Variants in GRIK2 observed in about 807,000 individuals in gnomAD.
The protein encoded by GRIK2 is glutamate receptor ionotropic, kainate 2.
GRIK2 carries 32 observed loss-of-function variants against 100.3 expected under a neutral mutation model. That is an observed-to-expected ratio of 0.32 (90% confidence interval 0.24 to 0.43). GRIK2 has a LOEUF of 0.43. Among genes scored for constraint, GRIK2 ranks in the 20% least tolerant of loss-of-function variants. The pLI is 1.00. For missense variants in GRIK2, 843 were observed against 1,114.9 expected, an observed-to-expected ratio of 0.76 and a Z score of 3.47; for synonymous variants, 417 against 389.4, an observed-to-expected ratio of 1.07 and a Z score of -0.83.
intron 2 of GRIK2, among the ~76,000 whole-genome samples, chr6:101,586,718 T>TA (rs68016883): frequency 0.26 from 38,146 of 145,706 alleles, 5,024 homozygotes; most frequent in Middle Eastern, 0.34. Flanking sequence ...AAAATAAAAT[T>TA]AAAAAAAAAA....
Position 101,806,747 on chromosome 6 carries a change from C to G in GRIK2, c.1203+4309C>G, listed in dbSNP as rs151278195. Among the ~76,000 whole-genome samples the G allele has an allele frequency of 3.3e-4, 50 of 151,636 alleles. No homozygotes were observed. The East Asian group carries it at 8.3e-3, about 25-fold the overall frequency. ...TCCCAGTTCCTTTGCCTGGGGAACT[C>G]TTACTCATCCTGGTAGTATCATCTT... On this transcript the variant is annotated intron_variant, in intron 9 of 16. Coordinates refer to ENST00000369134, the MANE Select transcript of GRIK2 (RefSeq NM_021956.5).
At chr6:101,613,762 G>GA (rs77889004) in intron 2 of GRIK2, among the ~76,000 whole-genome samples, 1,651 of 107,004 alleles carry the variant, frequency 0.015, 21 homozygotes, top group East Asian at 0.079. Flanking sequence ...GCTGTGTTCA[G>GA]AAAAAAAAAA....
intron 2 of GRIK2, among the ~76,000 whole-genome samples, chr6:101,501,708 T>A (rs1773752253): frequency 6.6e-6 from 1 of 152,196 alleles, no homozygotes. Context: ...CTGGCTCTAA[T>A]GCTGATTAGC....
At chr6:102,003,726 A>T (rs184412636) in intron 14 of GRIK2, among the ~76,000 whole-genome samples, 360 of 151,888 alleles carry the variant, frequency 2.4e-3, no homozygotes, top group Non-Finnish European at 3.9e-3. Context: ...CAACAATATT[A>T]TTCCTTTGAC....
chr6:101,824,901 T>C (rs996291213), intron 10 of GRIK2, among the ~76,000 whole-genome samples: 5 of 152,106 alleles, frequency 3.3e-5, no homozygotes, highest in Non-Finnish European at 7.4e-5. Context: ...AAGTACACAG[T>C]ACAAAAGAGA....
At chr6:101,861,665 T>C (rs1784741115) in intron 11 of GRIK2, among the ~76,000 whole-genome samples, 1 of 152,160 alleles carries the variant, frequency 6.6e-6, no homozygotes, top group African/African-American at 2.4e-5. Flanking sequence ...TTACTCTTAA[T>C]ATTAAAACAA....
chr6:101,551,891 T>C (rs763024638), intron 2 of GRIK2, among the ~76,000 whole-genome samples: 2 of 152,202 alleles, frequency 1.3e-5, no homozygotes, highest in Non-Finnish European at 2.9e-5. Flanking sequence ...TGCTTCCTGA[T>C]ATGGTGGCAA....
At chr6:101,929,544 A>G (rs78101260) in intron 14 of GRIK2, among the ~76,000 whole-genome samples, 1 of 152,270 alleles carries the variant, frequency 6.6e-6, no homozygotes, top group East Asian at 1.9e-4. Context: ...TCAGGTTTCT[A>G]TCGAGTGCCA....
At chr6:101,531,641 G>A (rs1775449955) in intron 2 of GRIK2, among the ~76,000 whole-genome samples, 1 of 151,796 alleles carries the variant, frequency 6.6e-6, no homozygotes, top group Non-Finnish European at 1.5e-5. Context: ...TTACAGATAA[G>A]CCAAATGGCA....
chr6:101,962,837 T>C (rs929118150), intron 14 of GRIK2, among the ~76,000 whole-genome samples: 1 of 152,090 alleles, frequency 6.6e-6, no homozygotes, highest in Non-Finnish European at 1.5e-5. Flanking sequence ...TTTTTGTTTT[T>C]CAAACCTACT....
chr6:101,955,576 T>TTC (rs60603807), intron 14 of GRIK2, among the ~76,000 whole-genome samples: 1,455 of 116,184 alleles, frequency 0.013, 21 homozygotes, highest in Admixed American at 0.026. Flanking sequence ...GAGCAAGGCC[T>TTC]TCTCTCTCTC....
At chr6:101,432,006 G>A (rs1769435166) in intron 2 of GRIK2, among the ~76,000 whole-genome samples, 1 of 152,130 alleles carries the variant, frequency 6.6e-6, no homozygotes, top group African/African-American at 2.4e-5. Flanking sequence ...CATACAAGAA[G>A]CTAATAATAC....
intron 10 of GRIK2, among the ~76,000 whole-genome samples, chr6:101,823,870 T>TG (rs1239319646): frequency 2.1e-4 from 28 of 131,718 alleles, no homozygotes; most frequent in African/African-American, 1.1e-3. Context: ...CTGTTTTTTT[T>TG]TTTTTGTTTT....
intron 10 of GRIK2, among the ~76,000 whole-genome samples, chr6:101,841,337 A>T (rs1322141625): frequency 1.3e-5 from 2 of 151,916 alleles, no homozygotes; most frequent in African/African-American, 4.8e-5. Context: ...AATGTTTAAC[A>T]AATTCACGTG....
chr6:101,542,425 T>A (rs1398389931), intron 2 of GRIK2, among the ~76,000 whole-genome samples: 1 of 152,058 alleles, frequency 6.6e-6, no homozygotes, highest in African/African-American at 2.4e-5. Context: ...GGTCACCTAA[T>A]CTCTAAAGAT....
chr6:101,400,607 G>T (rs973456585), intron 2 of GRIK2, among the ~76,000 whole-genome samples: 1 of 152,188 alleles, frequency 6.6e-6, no homozygotes, highest in African/African-American at 2.4e-5. Flanking sequence ...TTAAACTGAA[G>T]AGTGATTGCC....
At chr6:101,692,545 T>G (rs1411116012) in intron 7 of GRIK2, among the ~76,000 whole-genome samples, 6 of 152,106 alleles carry the variant, frequency 3.9e-5, no homozygotes, top group African/African-American at 1.4e-4. Flanking sequence ...TCTTTGTTGA[T>G]ATAACAATTA....
chr6:101,529,701 A>G (rs1171209678), intron 2 of GRIK2, among the ~76,000 whole-genome samples: 3 of 152,100 alleles, frequency 2.0e-5, no homozygotes, highest in Non-Finnish European at 2.9e-5. Flanking sequence ...ATATTCTATT[A>G]GGGAAAGAAG....
At chr6:101,595,710 G>GTATATATATATA (rs1380908125) in intron 2 of GRIK2, among the ~76,000 whole-genome samples, 30 of 125,940 alleles carry the variant, frequency 2.4e-4, no homozygotes, top group African/African-American at 9.1e-4. Context: ...GTGTGTGTGT[G>GTATATATATATA]TGTGTGTGTA....
Sources: allele counts gnomAD v4.1 joint callset (sites outside exome capture counted in the v4.1 genomes callset), GRCh38; gene constraint gnomAD v4.1.1; transcripts MANE v1.5; gene names NCBI Gene and HGNC (gene_info 2026-07-23, HGNC 2026-07-21).